Variants in NOX4 observed in about 807,000 individuals in gnomAD.
NOX4 encodes NADPH oxidase 4.
NOX4 carries 69 observed loss-of-function variants against 87.6 expected under a neutral mutation model. The observed-to-expected ratio is 0.79, with a 90% CI of 0.65 to 0.96. The LOEUF (loss-of-function observed/expected upper bound fraction) is 0.96, where lower values mean the gene tolerates loss of function less well. NOX4 is among the 40% of genes least tolerant of loss of function. NOX4 has a pLI of 0.00. For synonymous variants in NOX4, 275 were observed against 238.2 expected, an observed-to-expected ratio of 1.15 and a Z score of -1.42; for missense variants, 680 against 681.5, an observed-to-expected ratio of 1.00 and a Z score of 0.02.
At chr11:89,476,405 C>T (rs758985833) in intron 2 of NOX4, among the ~76,000 whole-genome samples, 37 of 152,092 alleles carry the variant, frequency 2.4e-4, no homozygotes, top group African/African-American at 8.7e-4. Flanking sequence ...CATTCATTCC[C>T]TACATCACAC....
At chr11:89,509,412 G>T in the NOX4 span, among the ~76,000 whole-genome samples, 1 of 151,978 alleles carries the variant, frequency 6.6e-6, no homozygotes, top group Non-Finnish European at 1.5e-5. Flanking sequence ...AATGGTACTT[G>T]TAGGGGCAGC....
chr11:89,414,692 A>G lies in NOX4; in HGVS notation c.629+7210T>C, dbSNP rs538996865. On this transcript the variant is annotated intron_variant, in intron 8 of 17. Coordinates refer to ENST00000263317, the MANE Select transcript of NOX4 (RefSeq NM_016931.5). ...TTATCATATTATTATGTATCTTAAC[A>G]AGGTCAAACATTTTAGGAAACATTT... is the stretch of plus-strand genomic sequence containing the variant. Among the ~76,000 whole-genome samples, 3 of 151,356 alleles carry G rather than the reference A, an allele frequency of 2.0e-5. No individual in the cohort carries two copies. The East Asian group carries it at 5.8e-4, about 29-fold the overall frequency.
chr11:89,465,622 C>T (rs113991566), intron 2 of NOX4, among the ~76,000 whole-genome samples: 1 of 152,108 alleles, frequency 6.6e-6, no homozygotes, highest in South Asian at 2.1e-4. Context: ...TCTATTTCTC[C>T]ACATCTTCTC....
At chr11:89,460,800 A>T (rs1181272269) in intron 2 of NOX4, among the ~76,000 whole-genome samples, 1 of 152,184 alleles carries the variant, frequency 6.6e-6, no homozygotes, top group Non-Finnish European at 1.5e-5. Context: ...CAGCAATCCC[A>T]TTACTGGGTA....
intron 12 of NOX4, among the ~76,000 whole-genome samples, chr11:89,365,753 C>CA (rs1213376592): frequency 0.3 from 17,468 of 57,912 alleles, 1,844 homozygotes; most frequent in Non-Finnish European, 0.31. Context: ...ACCACGCCCA[C>CA]AAAAAAAAAA....
Position 89,451,887 on chromosome 11 carries a change from C to T in NOX4, c.162G>A (p.Leu54=). The change falls in exon 3 of 18, where the codon TTG becomes TTA. Residue 54 remains leucine, a synonymous_variant. Transcript: ENST00000263317. ...HYLHQMLGLG[L]CLSRASASVL... is the part of the protein sequence containing the mutation. ...CAGATGCTGAGGCTCTGCTTAGACA[C>T]AATCCTAGCTGAACAAATAAGGCAA... The T allele has an allele frequency of 6.2e-7, 1 of 1,610,750 alleles. No homozygotes were observed. The highest frequency in any genetic ancestry group is 8.5e-7 in the Non-Finnish European group (1 of 1,177,256).
chr11:89,411,141 C>T (rs1942457989), intron 8 of NOX4, among the ~76,000 whole-genome samples: 1 of 152,006 alleles, frequency 6.6e-6, no homozygotes. Flanking sequence ...AAACTTGCTG[C>T]CTTGAAGAGA....
intron 2 of NOX4, among the ~76,000 whole-genome samples, chr11:89,471,248 G>T (rs1321170712): frequency 6.6e-6 from 1 of 152,092 alleles, no homozygotes; most frequent in Non-Finnish European, 1.5e-5. Flanking sequence ...AAGCTAGCAA[G>T]GGGCTGCACA....
chr11:89,378,318 A>G (rs1235895497), intron 11 of NOX4, among the ~76,000 whole-genome samples: 1 of 152,184 alleles, frequency 6.6e-6, no homozygotes, highest in Non-Finnish European at 1.5e-5. Context: ...ATTTAGAGTG[A>G]CTTCCTTTCC....
At chr11:89,452,179 C>T (rs1038755208) in intron 2 of NOX4, among the ~76,000 whole-genome samples, 3 of 152,194 alleles carry the variant, frequency 2.0e-5, no homozygotes, top group Non-Finnish European at 4.4e-5. Flanking sequence ...TCTTGTTCTG[C>T]CCCTACCCCA....
chr11:89,370,014 G>C lies in NOX4; in HGVS notation c.1135+3418C>G, dbSNP rs186093573. On this transcript the variant is annotated intron_variant, in intron 12 of 17. Transcript: ENST00000263317. ...CTGAATAAAGCCTATAACACGACTG[G>C]CTCCTACAGTGATATAGAAACAAAT... Among the ~76,000 whole-genome samples, 1,493 of 151,912 alleles carry C rather than the reference G, an allele frequency of 9.8e-3. 27 individuals carry two copies. Among genetic ancestry groups the C allele is most frequent in the African/African-American group, 0.033 (1,368 of 41,468 alleles).
intron 2 of NOX4, among the ~76,000 whole-genome samples, chr11:89,466,712 C>A (rs2135430524): frequency 6.6e-6 from 1 of 152,128 alleles, no homozygotes; most frequent in Non-Finnish European, 1.5e-5. Flanking sequence ...ACTTGATAAG[C>A]AAATACAATT....
At chr11:89,534,608 C>A in the NOX4 span, among the ~76,000 whole-genome samples, 1 of 152,224 alleles carries the variant, frequency 6.6e-6, no homozygotes, top group Non-Finnish European at 1.5e-5. Context: ...AGGGCCTTAT[C>A]CCGGGGACTG....
chr11:89,417,009 T>C (rs1453346131), intron 8 of NOX4, among the ~76,000 whole-genome samples: 3 of 152,162 alleles, frequency 2.0e-5, no homozygotes, highest in Non-Finnish European at 4.4e-5. Context: ...CCTTCCCCTC[T>C]ATCATTTCCA....
At chr11:89,560,986 C>A in the NOX4 span, among the ~76,000 whole-genome samples, 2 of 76,102 alleles carry the variant, frequency 2.6e-5, no homozygotes, top group Non-Finnish European at 2.4e-5. Flanking sequence ...CTCTCTCTCT[C>A]TCTCTCTCTC....
At chr11:89,570,125 T>C in the NOX4 span, among the ~76,000 whole-genome samples, 1 of 152,146 alleles carries the variant, frequency 6.6e-6, no homozygotes, top group Non-Finnish European at 1.5e-5. Flanking sequence ...AGTGCTGAAC[T>C]GGATAAAGGA....
At chr11:89,490,344 G>A in intron 2 of NOX4, 114 bp downstream of exon 2, 3 of 721,668 alleles carry the variant, frequency 4.2e-6, no homozygotes, top group Admixed American at 2.3e-5. Flanking sequence ...AACAACAAAG[G>A]TTTTCAAAGT....
chr11:89,367,568 T>C (rs1164292257), intron 12 of NOX4, among the ~76,000 whole-genome samples: 1 of 152,084 alleles, frequency 6.6e-6, no homozygotes, highest in Admixed American at 6.6e-5. Flanking sequence ...GCAGCAATCA[T>C]AGATCACTCC....
chr11:89,427,515 G>A (rs1381603546), intron 7 of NOX4, among the ~76,000 whole-genome samples: 1 of 152,152 alleles, frequency 6.6e-6, no homozygotes, highest in African/African-American at 2.4e-5. Flanking sequence ...AACCAGTGTA[G>A]AGAAGTCCTT....
Sources: gnomAD v4.1 joint callset for allele counts (sites outside exome capture counted in the v4.1 genomes callset) on GRCh38, gnomAD v4.1.1 for gene constraint, MANE v1.5 for transcripts, NCBI Gene and HGNC (gene_info 2026-07-23, HGNC 2026-07-21) for gene names.